MYO3B: variants seen among roughly 807,000 people sequenced by gnomAD.
MYO3B encodes myosin-IIIb.
MYO3B carries 156 observed loss-of-function variants against 174.6 expected under a neutral mutation model. The observed-to-expected ratio is 0.89, with a 90% CI of 0.78 to 1.02. MYO3B has a LOEUF of 1.02. MYO3B is among the 50% of genes least tolerant of loss of function. The pLI is 0.00. For synonymous variants in MYO3B, 563 were observed against 569.1 expected (o/e 0.99, Z 0.15); for missense variants, 1,632 against 1,639.4 (o/e 1.00, Z 0.08).
chr2:170,443,070 A>C (rs13390088), intron 22 of MYO3B, among the ~76,000 whole-genome samples: 10,734 of 152,330 alleles, frequency 0.07, 436 homozygotes, highest in South Asian at 0.12. Flanking sequence ...TCCCTGAGGA[A>C]TCGCCACACT....
At chr2:170,337,475 G>A (rs1405882946) in intron 8 of MYO3B, among the ~76,000 whole-genome samples, 1 of 152,136 alleles carries the variant, frequency 6.6e-6, no homozygotes, top group Non-Finnish European at 1.5e-5. Context: ...TTTGGCTTCT[G>A]TATACTTTTT....
chr2:170,339,684 A>C (rs2093965891), intron 8 of MYO3B, among the ~76,000 whole-genome samples: 1 of 152,262 alleles, frequency 6.6e-6, no homozygotes, highest in Non-Finnish European at 1.5e-5. Context: ...CTGAAATACT[A>C]TTAGTAAACC....
At chr2:170,376,983 C>T (rs1318625427) in intron 9 of MYO3B, among the ~76,000 whole-genome samples, 3 of 152,090 alleles carry the variant, frequency 2.0e-5, no homozygotes, top group Non-Finnish European at 2.9e-5. Context: ...AAGAGCGTAT[C>T]CTGTCTCACC....
rs1694548241 is a variant in MYO3B, at chr2:170,602,149, C to A, written c.3734-49479C>A. ...TGAGGCATCTGGGTGCTTCTTCTTA[C>A]ACTCCTCCCGACAAGTTTGCACAAA... On this transcript the variant is annotated intron_variant, in intron 32 of 34. Transcript: ENST00000408978. 4 of 1,235,746 alleles carry A rather than the reference C, an allele frequency of 3.2e-6. No homozygotes were observed. In the South Asian group the frequency reaches 4.8e-5, roughly 15 times the overall value. 76.5% of individuals were successfully genotyped at this position (1,235,746 alleles called of 1,614,324 possible). A position where few individuals can be genotyped will look rare whatever the true frequency, so the allele number is the denominator to read the frequency against.
chr2:170,622,069 CG>C (rs1343787008), intron 32 of MYO3B, among the ~76,000 whole-genome samples: 1 of 152,176 alleles, frequency 6.6e-6, no homozygotes, highest in African/African-American at 2.4e-5. Context: ...ACCTTTAAAT[CG>C]GCTCCACCCT....
chr2:170,413,471 G>A (rs1035671893), intron 22 of MYO3B, among the ~76,000 whole-genome samples: 26 of 152,264 alleles, frequency 1.7e-4, no homozygotes, highest in African/African-American at 5.8e-4. Flanking sequence ...CTGAACTGCC[G>A]TGAGTGGTGG....
chr2:170,291,197 C>T (rs6727941), intron 7 of MYO3B, among the ~76,000 whole-genome samples: 2,025 of 151,820 alleles, frequency 0.013, 36 homozygotes, highest in African/African-American at 0.047. Context: ...TGCAGTGAGC[C>T]GAGATCACAC....
chr2:170,307,850 G>T (rs2093711346), intron 7 of MYO3B, among the ~76,000 whole-genome samples: 1 of 152,162 alleles, frequency 6.6e-6, no homozygotes, highest in Admixed American at 6.5e-5. Context: ...TTCTAGAAAA[G>T]GGTTGTAACT....
intron 22 of MYO3B, among the ~76,000 whole-genome samples, chr2:170,437,413 G>A (rs1020470491): frequency 1.1e-4 from 16 of 152,078 alleles, no homozygotes; most frequent in African/African-American, 3.9e-4. Flanking sequence ...ATCTAGGAAG[G>A]TTTTTTCTGA....
rs948428219 is a variant in MYO3B, at chr2:170,536,984, G to A, written c.3576-5922G>A. Among the ~76,000 whole-genome samples the A allele has an allele frequency of 5.9e-5, 9 of 151,874 alleles. 1 individual carries two copies. The South Asian group carries it at 1.0e-3, about 18-fold the overall frequency. ...TGGGAGTCTGAGGCAGGTGAATCACGAGGTCAGGCATTCAAGACCAGCCTG... is the reference window on the plus strand; with the variant it reads ...TGGGAGTCTGAGGCAGGTGAATCACAAGGTCAGGCATTCAAGACCAGCCTG... On this transcript the variant is annotated intron_variant, in intron 30 of 34. Coordinates refer to ENST00000408978, the MANE Select transcript of MYO3B (RefSeq NM_138995.5).
chr2:170,250,904 G>A (rs771425981), intron 7 of MYO3B, among the ~76,000 whole-genome samples: 6 of 151,792 alleles, frequency 4.0e-5, no homozygotes, highest in African/African-American at 4.8e-5. Context: ...TTCTCATGCC[G>A]TTCTGCCATT....
At chr2:170,604,167 G>A (rs940382714) in intron 32 of MYO3B, among the ~76,000 whole-genome samples, 6 of 152,196 alleles carry the variant, frequency 3.9e-5, no homozygotes, top group Admixed American at 2.6e-4. Context: ...GTTGTTAAGC[G>A]ATGCTTGACT....
intron 22 of MYO3B, among the ~76,000 whole-genome samples, chr2:170,438,687 T>C (rs1574979134): frequency 1.3e-5 from 2 of 151,944 alleles, no homozygotes; most frequent in South Asian, 4.1e-4. Flanking sequence ...GAAGCTGGAG[T>C]GCAGTGGCAT....
intron 8 of MYO3B, among the ~76,000 whole-genome samples, chr2:170,339,662 A>G (rs2093965690): frequency 6.6e-6 from 1 of 152,202 alleles, no homozygotes; most frequent in Non-Finnish European, 1.5e-5. Context: ...ATTTTTTAAA[A>G]CATCTAAAAG....
chr2:170,423,789 G>T (rs1014749780), intron 22 of MYO3B, among the ~76,000 whole-genome samples: 1 of 152,006 alleles, frequency 6.6e-6, no homozygotes, highest in Non-Finnish European at 1.5e-5. Context: ...CCATGTTGGC[G>T]AGGATGGTCT....
At chr2:170,352,056 G>C (rs1435885010) in intron 8 of MYO3B, among the ~76,000 whole-genome samples, 1 of 152,128 alleles carries the variant, frequency 6.6e-6, no homozygotes, top group African/African-American at 2.4e-5. Context: ...AGGTTCAAGC[G>C]ATCCTCTTGC....
chr2:170,279,085 GA>G (rs1306259591), intron 7 of MYO3B, among the ~76,000 whole-genome samples: 3 of 151,976 alleles, frequency 2.0e-5, no homozygotes, highest in African/African-American at 7.2e-5. Context: ...ATTGTGAATA[GA>G]AACATGGGGG....
intron 7 of MYO3B, among the ~76,000 whole-genome samples, chr2:170,241,451 G>A (rs1335461401): frequency 6.6e-6 from 1 of 152,192 alleles, no homozygotes; most frequent in African/African-American, 2.4e-5. Flanking sequence ...ACTTGGGAAT[G>A]CCCTTGTCCT....
At chr2:170,582,442 T>TG (rs146611783) in intron 32 of MYO3B, among the ~76,000 whole-genome samples, 2,246 of 152,246 alleles carry the variant, frequency 0.015, 56 homozygotes, top group African/African-American at 0.051. Flanking sequence ...GTATCATTTT[T>TG]GGGTGAGCTG....
Sources: gnomAD v4.1 joint callset for allele counts (sites outside exome capture counted in the v4.1 genomes callset) on GRCh38, gnomAD v4.1.1 for gene constraint, MANE v1.5 for transcripts, NCBI Gene and HGNC (gene_info 2026-07-23, HGNC 2026-07-21) for gene names.